Variants in NDUFAF2 observed in about 807,000 individuals in gnomAD.
NDUFAF2 encodes NADH dehydrogenase [ubiquinone] 1 alpha subcomplex assembly factor 2.
In NDUFAF2, 13 loss-of-function variants were observed where a neutral mutation model predicts 22.8. That is an observed-to-expected ratio of 0.57 (90% CI 0.37 to 0.91). The LOEUF is 0.91. NDUFAF2 is among the 40% of genes least tolerant of loss of function. NDUFAF2 has a pLI of 0.01. For missense variants in NDUFAF2, 162 were observed against 195.2 expected, an observed-to-expected ratio of 0.83 and a Z score of 1.01; for synonymous variants, 53 against 64.2, an observed-to-expected ratio of 0.83 and a Z score of 0.84.
intron 1 of NDUFAF2, among the ~76,000 whole-genome samples, chr5:60,956,202 C>T (rs953659203): frequency 2.6e-5 from 4 of 151,986 alleles, no homozygotes; most frequent in Non-Finnish European, 4.4e-5. Context: ...TGCCTGGCCT[C>T]TATGTTGACT....
intron 1 of NDUFAF2, among the ~76,000 whole-genome samples, chr5:61,005,515 T>C (rs975250639): frequency 5.9e-5 from 9 of 152,202 alleles, no homozygotes; most frequent in African/African-American, 1.2e-4. Flanking sequence ...ATTGCCACAC[T>C]GTCTTCCACA....
intron 1 of NDUFAF2, among the ~76,000 whole-genome samples, chr5:61,034,210 G>T (rs1396702396): frequency 6.6e-6 from 1 of 152,152 alleles, no homozygotes; most frequent in Non-Finnish European, 1.5e-5. Context: ...ATACCTGTTA[G>T]CAATCTTGAT....
chr5:60,957,238 G>A (rs1167296956), intron 1 of NDUFAF2, among the ~76,000 whole-genome samples: 1 of 151,938 alleles, frequency 6.6e-6, no homozygotes, highest in Non-Finnish European at 1.5e-5. Context: ...TTATACTTGT[G>A]GTTAAATATA....
At chr5:60,972,084 A>G (rs1329741114) in intron 1 of NDUFAF2, among the ~76,000 whole-genome samples, 1 of 151,708 alleles carries the variant, frequency 6.6e-6, no homozygotes, top group Non-Finnish European at 1.5e-5. Context: ...CTAGGATTAC[A>G]GGCATACGCC....
chr5:60,970,949 C>CT (rs898661773), intron 1 of NDUFAF2, among the ~76,000 whole-genome samples: 9 of 151,996 alleles, frequency 5.9e-5, no homozygotes, highest in South Asian at 2.1e-4. Flanking sequence ...TTAAAGTTTT[C>CT]TTTTTTTACT....
At chr5:61,018,942 A>G (rs1392542719) in intron 1 of NDUFAF2, among the ~76,000 whole-genome samples, 2 of 152,146 alleles carry the variant, frequency 1.3e-5, no homozygotes, top group African/African-American at 4.8e-5. Context: ...CAAATAAAAT[A>G]TCAATATGCA....
intron 1 of NDUFAF2, among the ~76,000 whole-genome samples, chr5:60,977,935 T>C (rs954443675): frequency 6.6e-6 from 1 of 152,104 alleles, no homozygotes; most frequent in African/African-American, 2.4e-5. Context: ...AAAGCACCTT[T>C]ATGAGAACCA....
Position 60,945,339 on chromosome 5 carries a change from C to G in NDUFAF2, c.84C>G (p.Phe28Leu), listed in dbSNP as rs1580059779. Reference protein sequence around the residue: ...EVKEHVGTDQFGNKYYYIPQY... With the variant: ...EVKEHVGTDQLGNKYYYIPQY... ...AGGAGCACGTGGGCACGGACCAATT[C>G]GGGAACAAATACTACTACATCCCGC... is the stretch of plus-strand genomic sequence containing the variant. Residue 28 changes from phenylalanine to leucine, a missense_variant, in exon 1 of 4, where the codon TTC (phenylalanine) becomes TTG (leucine). Transcript: ENST00000296597. The G allele has an allele frequency of 2.5e-6, 4 of 1,614,106 alleles. No homozygotes were observed. Among genetic ancestry groups the G allele is most frequent in the Non-Finnish European group, 3.4e-6 (4 of 1,180,016 alleles).
chr5:61,126,853 G>T (rs891828220), intron 3 of NDUFAF2, among the ~76,000 whole-genome samples: 12 of 151,924 alleles, frequency 7.9e-5, no homozygotes, highest in Non-Finnish European at 1.5e-5. Flanking sequence ...TCCAGGAGCT[G>T]GTTTTTTGAA....
chr5:60,998,111 CT>C (rs1192224501), intron 1 of NDUFAF2, among the ~76,000 whole-genome samples: 3 of 152,080 alleles, frequency 2.0e-5, no homozygotes, highest in African/African-American at 7.2e-5. Context: ...TTTAAATTGT[CT>C]AAAAGCTAAC....
chr5:60,984,492 G>A (rs940559932), intron 1 of NDUFAF2, among the ~76,000 whole-genome samples: 21 of 152,150 alleles, frequency 1.4e-4, no homozygotes, highest in Non-Finnish European at 8.8e-5. Context: ...CAAAGGGAAT[G>A]TTTCCAGTTT....
At chr5:61,118,345 A>G (rs1244355399) in intron 3 of NDUFAF2, among the ~76,000 whole-genome samples, 1 of 152,178 alleles carries the variant, frequency 6.6e-6, no homozygotes, top group Non-Finnish European at 1.5e-5. Flanking sequence ...GCAGGCAACA[A>G]ACTCATGGCC....
At chr5:61,037,192 G>A (rs1751810667) in intron 1 of NDUFAF2, among the ~76,000 whole-genome samples, 1 of 152,068 alleles carries the variant, frequency 6.6e-6, no homozygotes, top group Non-Finnish European at 1.5e-5. Context: ...AGTGCCACAT[G>A]GACTATAAGA....
intron 1 of NDUFAF2, among the ~76,000 whole-genome samples, chr5:61,018,687 G>A (rs920547385): frequency 1.6e-4 from 25 of 152,058 alleles, no homozygotes; most frequent in Non-Finnish European, 2.2e-4. Flanking sequence ...GTAGTTTGTA[G>A]TGTTCTTAAA....
intron 3 of NDUFAF2, among the ~76,000 whole-genome samples, chr5:61,118,224 A>G (rs758539549): frequency 6.6e-6 from 1 of 152,176 alleles, no homozygotes; most frequent in Non-Finnish European, 1.5e-5. Flanking sequence ...TCTCCCGGGC[A>G]CCACACAAGG....
At chr5:61,099,584 T>TA (rs1174377345) in intron 3 of NDUFAF2, among the ~76,000 whole-genome samples, 1 of 151,438 alleles carries the variant, frequency 6.6e-6, no homozygotes, top group South Asian at 2.1e-4. Context: ...TGATAAACAA[T>TA]AAAAAAACAT....
intron 1 of NDUFAF2, among the ~76,000 whole-genome samples, chr5:60,971,653 C>G (rs1320001742): frequency 6.6e-6 from 1 of 150,516 alleles, no homozygotes; most frequent in Non-Finnish European, 1.5e-5. Context: ...TGGTGTTCCC[C>G]ACCCTGTGTC....
chr5:61,108,393 G>C (rs929666769), intron 3 of NDUFAF2, among the ~76,000 whole-genome samples: 22 of 150,112 alleles, frequency 1.5e-4, no homozygotes, highest in Admixed American at 9.2e-4. Context: ...GATTGCCATT[G>C]TAACTGGTGT....
chr5:61,021,206 GTC>G (rs1451836500), intron 1 of NDUFAF2, among the ~76,000 whole-genome samples: 1 of 152,074 alleles, frequency 6.6e-6, no homozygotes, highest in African/African-American at 2.4e-5. Flanking sequence ...GCCAAAATTA[GTC>G]TCTCTGGGAT....
Sources: allele counts gnomAD v4.1 joint callset (sites outside exome capture counted in the v4.1 genomes callset), GRCh38; gene constraint gnomAD v4.1.1; transcripts MANE v1.5; gene names NCBI Gene and HGNC (gene_info 2026-07-23, HGNC 2026-07-21).